Variants in LPP observed in about 807,000 individuals in gnomAD.
LPP encodes the protein lipoma-preferred partner.
A neutral mutation model predicts 60.4 loss-of-function variants in LPP; 38 were observed. That is an observed-to-expected ratio of 0.63 (90% CI 0.49 to 0.83). The LOEUF is 0.83. Ranked by LOEUF, LPP falls within the 40% of genes least tolerant of loss-of-function variation. The pLI is 0.00. For missense variants in LPP, 902 were observed against 783.6 expected (o/e 1.15, Z -1.80); for synonymous variants, 328 against 290.8 (o/e 1.13, Z -1.30).
chr3:188,883,844 C>A lies in LPP; in HGVS notation c.*9365C>A. 5.1e-6 allele frequency: 1 copy of A among 196,920 alleles called. No individual in the cohort carries two copies. Among genetic ancestry groups the A allele is most frequent in the Non-Finnish European group, 1.0e-5 (1 of 95,912 alleles). 12.2% of individuals were successfully genotyped at this position (196,920 alleles called of 1,614,324 possible). A position where few individuals can be genotyped will look rare whatever the true frequency, so the allele number is the denominator to read the frequency against. ...TGGTATTGCCGAAAACTCATTATTTCTAGTTAGTTCATCTGTGGAAAAGGA... is the reference window on the plus strand; with the variant it reads ...TGGTATTGCCGAAAACTCATTATTTATAGTTAGTTCATCTGTGGAAAAGGA... On this transcript the variant is annotated 3_prime_UTR_variant, in exon 12 of 12. Coordinates refer to ENST00000617246, the MANE Select transcript of LPP (RefSeq NM_001375462.1).
chr3:188,830,801 G>T (rs1375987074), intron 9 of LPP, among the ~76,000 whole-genome samples: 1 of 152,118 alleles, frequency 6.6e-6, no homozygotes, highest in Non-Finnish European at 1.5e-5. Flanking sequence ...ATAGTAAGAA[G>T]CTCAGCATTA....
At chr3:188,764,458 C>T (rs1438146277) in intron 9 of LPP, among the ~76,000 whole-genome samples, 1 of 152,028 alleles carries the variant, frequency 6.6e-6, no homozygotes, top group Admixed American at 6.6e-5. Context: ...TAGAAACCCT[C>T]TAAATCTGGG....
At chr3:188,563,462 G>A (rs865886109) in intron 6 of LPP, among the ~76,000 whole-genome samples, 10 of 62,588 alleles carry the variant, frequency 1.6e-4, no homozygotes, top group African/African-American at 5.1e-4. Flanking sequence ...ACATATATAT[G>A]TGTGTGTGTG....
At chr3:188,337,682 T>C (rs1762028628) in intron 2 of LPP, among the ~76,000 whole-genome samples, 1 of 152,224 alleles carries the variant, frequency 6.6e-6, no homozygotes, top group Admixed American at 6.5e-5. Flanking sequence ...TTTTTCTATA[T>C]AGCAATGGGG....
At chr3:188,663,764 G>A (rs1855129890) in intron 7 of LPP, among the ~76,000 whole-genome samples, 1 of 152,118 alleles carries the variant, frequency 6.6e-6, no homozygotes, top group Non-Finnish European at 1.5e-5. Flanking sequence ...CAGGGTTGGT[G>A]GGGTAGGGAT....
chr3:188,340,396 C>CTTT (rs5855188), intron 2 of LPP, among the ~76,000 whole-genome samples: 5 of 116,618 alleles, frequency 4.3e-5, no homozygotes, highest in Non-Finnish European at 7.1e-5. Flanking sequence ...CAATCATGCT[C>CTTT]TTTTTTTTTT....
chr3:188,850,406 AAGGAG>A (rs1762436355), intron 9 of LPP, among the ~76,000 whole-genome samples: 1 of 152,192 alleles, frequency 6.6e-6, no homozygotes, highest in Non-Finnish European at 1.5e-5. Context: ...GTTCGGGGTA[AAGGAG>A]AGGAGAAATT....
chr3:188,164,597 A>T (rs960775139), intron 1 of LPP, among the ~76,000 whole-genome samples: 1 of 152,144 alleles, frequency 6.6e-6, no homozygotes, highest in African/African-American at 2.4e-5. Context: ...GTGTGCCCTG[A>T]CTCATGGGAA....
intron 9 of LPP, among the ~76,000 whole-genome samples, chr3:188,768,625 G>A (rs766028799): frequency 2.4e-4 from 37 of 152,162 alleles, no homozygotes; most frequent in Non-Finnish European, 4.6e-4. Context: ...GCTCTAAGTA[G>A]TATTTACATA....
chr3:188,228,973 T>C (rs1228312380), intron 2 of LPP, among the ~76,000 whole-genome samples: 1 of 152,182 alleles, frequency 6.6e-6, no homozygotes, highest in African/African-American at 2.4e-5. Flanking sequence ...ACAATGTAAG[T>C]TCAGTGCACA....
intron 9 of LPP, among the ~76,000 whole-genome samples, chr3:188,810,512 AT>A (rs906472726): frequency 3.9e-5 from 6 of 152,168 alleles, no homozygotes; most frequent in Non-Finnish European, 7.4e-5. Flanking sequence ...TGTAACTTTT[AT>A]TACAGGATAT....
At chr3:188,166,513 A>G (rs1473796266) in intron 1 of LPP, among the ~76,000 whole-genome samples, 1 of 152,188 alleles carries the variant, frequency 6.6e-6, no homozygotes, top group Non-Finnish European at 1.5e-5. Flanking sequence ...TTATGGAAAC[A>G]TGTGTTTTCC....
intron 4 of LPP, among the ~76,000 whole-genome samples, chr3:188,461,882 T>C (rs1269663507): frequency 6.6e-6 from 1 of 152,182 alleles, no homozygotes; most frequent in Non-Finnish European, 1.5e-5. Flanking sequence ...TCCTATCCCC[T>C]CCACACCCAT....
At chr3:188,729,249 A>G (rs1049035098) in intron 8 of LPP, among the ~76,000 whole-genome samples, 2 of 152,230 alleles carry the variant, frequency 1.3e-5, no homozygotes, top group Admixed American at 1.3e-4. Context: ...CTGAAGCCAC[A>G]TTGAGTTGAG....
chr3:188,831,508 C>T (rs546060803), intron 9 of LPP, among the ~76,000 whole-genome samples: 1 of 152,126 alleles, frequency 6.6e-6, no homozygotes, highest in African/African-American at 2.4e-5. Flanking sequence ...GTGCTTCCCC[C>T]TCTGTAGCAT....
At chr3:188,669,352 G>A (rs1008909055) in intron 7 of LPP, among the ~76,000 whole-genome samples, 6 of 151,998 alleles carry the variant, frequency 3.9e-5, no homozygotes, top group African/African-American at 9.7e-5. Flanking sequence ...CGAGGCGGGC[G>A]GATCACGAAG....
At chr3:188,608,488 C>G (rs575179395) in intron 6 of LPP, among the ~76,000 whole-genome samples, 2 of 134,796 alleles carry the variant, frequency 1.5e-5, no homozygotes, top group Non-Finnish European at 3.1e-5. Context: ...ACTGTATACA[C>G]GTGGATATAT....
At chr3:188,457,728 TA>T (rs1233519681) in intron 4 of LPP, among the ~76,000 whole-genome samples, 25 of 103,398 alleles carry the variant, frequency 2.4e-4, no homozygotes, top group Middle Eastern at 5.6e-3. Context: ...CTGTCTCTAC[TA>T]AAAAAAAAAA....
At chr3:188,339,900 C>T (rs540060910) in intron 2 of LPP, among the ~76,000 whole-genome samples, 66 of 152,358 alleles carry the variant, frequency 4.3e-4, no homozygotes, top group African/African-American at 1.4e-3. Flanking sequence ...GGTAACACTG[C>T]ATCAAACACT....
Sources: gnomAD v4.1 joint callset for allele counts (sites outside exome capture counted in the v4.1 genomes callset) on GRCh38, gnomAD v4.1.1 for gene constraint, MANE v1.5 for transcripts, NCBI Gene and HGNC (gene_info 2026-07-23, HGNC 2026-07-21) for gene names.